The following METAP1 variants were observed in gnomAD, a reference collection of about 807,000 sequenced individuals.
The protein encoded by METAP1 is methionyl aminopeptidase 1.
In METAP1, 28 loss-of-function variants were observed where a neutral mutation model predicts 53.8. The observed-to-expected ratio is 0.52, with a 90% CI of 0.39 to 0.71. The LOEUF (loss-of-function observed/expected upper bound fraction) is 0.71. Among genes scored for constraint, METAP1 ranks in the 30% least tolerant of loss-of-function variants. The pLI, the probability that METAP1 is intolerant of heterozygous loss-of-function variation, is 0.00. For missense variants in METAP1, 389 were observed against 479.8 expected, an observed-to-expected ratio of 0.81 and a Z score of 1.77; for synonymous variants, 181 against 165.7, an observed-to-expected ratio of 1.09 and a Z score of -0.71.
chr4:99,033,001 T>C (rs2110342220), intron 2 of METAP1, among the ~76,000 whole-genome samples: 1 of 152,352 alleles, frequency 6.6e-6, no homozygotes, highest in South Asian at 2.1e-4. Context: ...TTTTCCATAT[T>C]TTTGCATTCT....
intron 1 of METAP1, among the ~76,000 whole-genome samples, chr4:99,006,353 A>G (rs1379295841): frequency 6.6e-6 from 1 of 152,182 alleles, no homozygotes; most frequent in Non-Finnish European, 1.5e-5. Context: ...ACTGTGACAA[A>G]TTTCAAACAA....
At chr4:99,002,355 T>A (rs370702329) in intron 1 of METAP1, among the ~76,000 whole-genome samples, 19 of 152,252 alleles carry the variant, frequency 1.2e-4, no homozygotes, top group African/African-American at 4.6e-4. Flanking sequence ...AAATGTTTAA[T>A]GTAATGGAAT....
intron 5 of METAP1, 120 bp downstream of exon 5, chr4:99,039,585 C>CT (rs372906038): frequency 0.021 from 9,247 of 435,906 alleles, 8 homozygotes; most frequent in South Asian, 0.027. Flanking sequence ...ACCAGCCATG[C>CT]TTTTTTTTTT....
intron 1 of METAP1, among the ~76,000 whole-genome samples, chr4:99,016,232 G>C (rs1225716477): frequency 6.6e-6 from 1 of 152,230 alleles, no homozygotes; most frequent in Non-Finnish European, 1.5e-5. Context: ...AGGCACATCA[G>C]CTGAGGAATG....
At chr4:99,009,075 T>C (rs1723337792) in intron 1 of METAP1, among the ~76,000 whole-genome samples, 1 of 152,214 alleles carries the variant, frequency 6.6e-6, no homozygotes, top group South Asian at 2.1e-4. Flanking sequence ...ACTATTCTAC[T>C]TTCTGTAGGA....
Position 99,035,333 on chromosome 4 carries a change from A to G in METAP1, c.280-67A>G, listed in dbSNP as rs865781747. ...AAAACTTCTAAAAACTTTTGAATGG[A>G]CTTCTTTCTCCCCTCGTTTTATTTA... On this transcript the variant is annotated intron_variant, in intron 3 of 10. Coordinates refer to ENST00000296411, the MANE Select transcript of METAP1 (RefSeq NM_015143.3). 13 of 1,125,032 alleles carry G rather than the reference A, an allele frequency of 1.2e-5. No homozygotes were observed. The South Asian group carries it at 1.7e-4, about 15-fold the overall frequency. 69.7% of individuals were successfully genotyped at this position (1,125,032 alleles called of 1,614,324 possible). A position where few individuals can be genotyped will look rare whatever the true frequency, so the allele number is the denominator to read the frequency against.
intron 1 of METAP1, among the ~76,000 whole-genome samples, chr4:98,999,284 C>G (rs186008543): frequency 6.6e-6 from 1 of 151,944 alleles, no homozygotes; most frequent in East Asian, 1.9e-4. Context: ...AATCACAGCT[C>G]CATCATTTAC....
rs533661089 is a variant in METAP1, at chr4:99,029,920, T to TG, written c.166+1005dup. ...ATTTAATGGACATGCTAGGCTGTTG[T>TG]GGGAGAAATGTGGTTAGAGATGAGG... On this transcript the variant is annotated intron_variant, in intron 2 of 10. Transcript: ENST00000296411. Among the ~76,000 whole-genome samples the TG allele has an allele frequency of 2.1e-4, 32 of 152,276 alleles. No individual in the cohort carries two copies. The East Asian group carries it at 3.5e-3, about 17-fold the overall frequency.
intron 2 of METAP1, among the ~76,000 whole-genome samples, chr4:99,030,921 A>G (rs1409818406): frequency 6.6e-6 from 1 of 151,766 alleles, no homozygotes; most frequent in Non-Finnish European, 1.5e-5. Flanking sequence ...AATGGGATAT[A>G]TTTCCCACTT....
intron 1 of METAP1, among the ~76,000 whole-genome samples, chr4:99,017,564 T>C (rs1294458132): frequency 2.0e-5 from 3 of 152,224 alleles, no homozygotes; most frequent in African/African-American, 7.2e-5. Context: ...TAGATACAAA[T>C]GTTCTGTTTG....
rs193110009 is a variant in METAP1, at chr4:99,002,596, G to A, written c.114+6729G>A. 1.4e-3 allele frequency among the ~76,000 whole-genome samples: 207 copies of A among 152,306 alleles called. 3 individuals are homozygous for A. Among genetic ancestry groups the A allele is most frequent in the African/African-American group, 4.7e-3 (194 of 41,554 alleles). On this transcript the variant is annotated intron_variant, in intron 1 of 10. Coordinates refer to ENST00000296411, the MANE Select transcript of METAP1 (RefSeq NM_015143.3). The stretch of plus-strand genomic sequence containing the variant: ...CCTGCCTTTCTCATTGTGTGTGCAT[G>A]TGTGTGTGGGGCACCTTATGGATGA...
chr4:99,019,478 A>T (rs750997023), intron 1 of METAP1, among the ~76,000 whole-genome samples: 1 of 151,976 alleles, frequency 6.6e-6, no homozygotes, highest in Non-Finnish European at 1.5e-5. Flanking sequence ...TTCTTGTTCT[A>T]TTCTGGAGAT....
In METAP1 at chr4:99,011,872, G is replaced by A. The variant is rs185635183; in HGVS notation, c.114+16005G>A. 3.7e-4 allele frequency among the ~76,000 whole-genome samples: 57 copies of A among 152,264 alleles called. No homozygotes were observed. In the East Asian group the frequency reaches 7.3e-3, roughly 20 times the overall value. Reference sequence around the variant, plus strand: ...GGAGAATTGCTTGAACCTAGGAGGCGGAGGTTGCGGTGAGCAGAGATCGCT... The same window carrying A: ...GGAGAATTGCTTGAACCTAGGAGGCAGAGGTTGCGGTGAGCAGAGATCGCT... On this transcript the variant is annotated intron_variant, in intron 1 of 10. Transcript: ENST00000296411.
Position 98,995,881 on chromosome 4 carries a change from G to C in METAP1, c.114+14G>C. ...TTCTGCTCGCAGGTAGGCGCCCGCTGCCCCGCGGATATGCCGCCGCTGCGG... is the reference window on the plus strand; with the variant it reads ...TTCTGCTCGCAGGTAGGCGCCCGCTCCCCCGCGGATATGCCGCCGCTGCGG... On this transcript the variant is annotated intron_variant, in intron 1 of 10. Transcript: ENST00000296411. The C allele has an allele frequency of 6.5e-7, 1 of 1,529,966 alleles. No homozygotes were observed. Among genetic ancestry groups the C allele is most frequent in the Non-Finnish European group, 8.8e-7 (1 of 1,133,318 alleles). 94.8% of individuals were successfully genotyped at this position (1,529,966 alleles called of 1,614,324 possible).
intron 1 of METAP1, among the ~76,000 whole-genome samples, chr4:99,010,980 G>C (rs1278884915): frequency 6.7e-6 from 1 of 150,356 alleles, no homozygotes; most frequent in Non-Finnish European, 1.5e-5. Flanking sequence ...CATTGTTAGT[G>C]TATAGAAATG....
At chr4:98,997,017 A>G (rs907194680) in intron 1 of METAP1, among the ~76,000 whole-genome samples, 3 of 152,216 alleles carry the variant, frequency 2.0e-5, no homozygotes, top group Admixed American at 1.3e-4. Context: ...AAGTTTCACA[A>G]GCTTCTTCTG....
At chr4:98,996,550 A>G (rs995213408) in intron 1 of METAP1, among the ~76,000 whole-genome samples, 16 of 152,272 alleles carry the variant, frequency 1.1e-4, no homozygotes, top group African/African-American at 3.6e-4. Flanking sequence ...ATTAATTTAC[A>G]AAACTGTAAG....
intron 1 of METAP1, among the ~76,000 whole-genome samples, chr4:99,019,590 G>A (rs1440961449): frequency 1.3e-5 from 2 of 152,066 alleles, no homozygotes; most frequent in Admixed American, 6.6e-5. Context: ...CTGCCTCTCT[G>A]TGAGATGGCA....
intron 10 of METAP1, among the ~76,000 whole-genome samples, chr4:99,059,691 T>C (rs1231562943): frequency 6.6e-6 from 1 of 152,202 alleles, no homozygotes; most frequent in African/African-American, 2.4e-5. Context: ...TCACATTCTC[T>C]TGGGCCTTTG....
Sources: gnomAD v4.1 joint callset for allele counts (sites outside exome capture counted in the v4.1 genomes callset) on GRCh38, gnomAD v4.1.1 for gene constraint, MANE v1.5 for transcripts, NCBI Gene and HGNC (gene_info 2026-07-23, HGNC 2026-07-21) for gene names.